Variants in HHEX observed in about 807,000 individuals in gnomAD.
HHEX encodes the protein hematopoietically-expressed homeobox protein HHEX.
Under a neutral mutation model 27.0 loss-of-function variants are expected in HHEX, and 8 were observed. The ratio of observed to expected loss-of-function variants is 0.30; its 90% confidence interval spans 0.17 to 0.54. The LOEUF is 0.54. Among genes scored for constraint, HHEX ranks in the 20% least tolerant of loss-of-function variants. The pLI, the probability that HHEX is intolerant of heterozygous loss-of-function variation, is 0.95. For missense variants in HHEX, 326 were observed against 357.2 expected (o/e 0.91, Z 0.70); for synonymous variants, 164 against 161.5 (o/e 1.02, Z -0.12).
At chr10:92,690,554 G>C (rs1845343533) in intron 1 of HHEX, among the ~76,000 whole-genome samples, 1 of 151,982 alleles carries the variant, frequency 6.6e-6, no homozygotes, top group Admixed American at 6.5e-5. Flanking sequence ...CACCTTGCAG[G>C]CGTCGGGGCG....
Position 92,690,282 on chromosome 10 carries a change from CTCTGTACCCCT to C in HHEX, c.299_309del (p.Leu100ProfsTer33). On this transcript the variant is annotated frameshift_variant, in exon 1 of 4. Transcript: ENST00000282728. LOFTEE classifies it high-confidence loss of function. ...TACGGACCCGGCGGCTTCGGGGGCC[CTCTGTACCCCT>C]TCCCGCGGACGGTGAACGACTACAC... 6.5e-7 allele frequency: 1 copy of C among 1,550,344 alleles called. No individual in the cohort carries two copies. The highest frequency in any genetic ancestry group is 8.7e-7 in the Non-Finnish European group (1 of 1,147,414).
At chr10:92,694,142 A>G (rs185484899) in intron 3 of HHEX, among the ~76,000 whole-genome samples, 2 of 152,354 alleles carry the variant, frequency 1.3e-5, no homozygotes, top group Non-Finnish European at 2.9e-5. Flanking sequence ...AATGTCTGAA[A>G]GACTGTTAAT....
chr10:92,694,584 GTT>G lies in HHEX; in HGVS notation c.631_632del (p.Leu211GlyfsTer5), dbSNP rs775878598. 1 of 1,614,094 alleles carries G rather than the reference GTT, an allele frequency of 6.2e-7. No homozygotes were observed. The highest frequency in any genetic ancestry group is 1.1e-5 in the South Asian group (1 of 91,078). Reference sequence around the variant, plus strand: ...AGCAATAAAAAAGAAGAACTGGAAAGTTTGGACAGTTCCTGTGATCAGAGGCA... The same window carrying G: ...AGCAATAAAAAAGAAGAACTGGAAAGTGGACAGTTCCTGTGATCAGAGGCA... On this transcript the variant is annotated frameshift_variant, in exon 4 of 4. Transcript: ENST00000282728. LOFTEE classifies it high-confidence loss of function.
rs1845387234 is a variant in HHEX at position 92,694,659 on chromosome 10, A to C, written c.704A>C (p.Gln235Pro). 4.3e-6 allele frequency: 7 copies of C among 1,614,010 alleles called. No homozygotes were observed. In the Admixed American group the frequency reaches 6.7e-5, roughly 15 times the overall value. Reference sequence around the variant, plus strand: ...AAAGGTGCTTCTTTGGATAGCTCTCAATGTTCGCCCTCCCCTGCCTCCCAG... The same window carrying C: ...AAAGGTGCTTCTTTGGATAGCTCTCCATGTTCGCCCTCCCCTGCCTCCCAG... The part of the protein sequence containing the change: ...QNKGASLDSS[Q>P]CSPSPASQED... The change falls in exon 4 of 4, where the codon CAA becomes CCA. Residue 235 changes from glutamine (Q) to proline (P), a missense_variant. Physicochemically the swap from Gln to Pro is moderately conservative, Grantham distance 76. Transcript: ENST00000282728.
chr10:92,692,382 T>A lies in HHEX; in HGVS notation c.376T>A (p.Trp126Arg). ...CCCGCTCGCAGGCAAACCTCTACTC[T>A]GGAGCCCCTTCTTGCAGAGGCCTCT... ...RHDPLGKPLL[W>R]SPFLQRPLHK... Residue 126 changes from tryptophan to arginine, a missense_variant, in exon 2 of 4, where the codon TGG (tryptophan) becomes AGG (arginine). Trp to Arg is a moderately radical substitution (Grantham distance 101). Around this residue, in one of 4 missense-constraint regions of HHEX, gnomAD observed 215 missense variants for 196.4 expected, o/e 1.09. Coordinates refer to ENST00000282728, the MANE Select transcript of HHEX (RefSeq NM_002729.5). 1 of 1,613,710 alleles carries A rather than the reference T, an allele frequency of 6.2e-7. No individual in the cohort carries two copies. Among genetic ancestry groups the A allele is most frequent in the Non-Finnish European group, 8.5e-7 (1 of 1,180,014 alleles).
intron 1 of HHEX, among the ~76,000 whole-genome samples, chr10:92,691,019 G>A (rs1209498733): frequency 6.6e-6 from 1 of 152,280 alleles, no homozygotes; most frequent in East Asian, 1.9e-4. Flanking sequence ...AAAATAACCA[G>A]TTGCTTCCTA....
In HHEX at chr10:92,692,348, G is replaced by T; in HGVS notation, c.362-20G>T. 6.2e-7 allele frequency: 1 copy of T among 1,611,368 alleles called. No homozygotes were observed. Among genetic ancestry groups the T allele is most frequent in the South Asian group, 1.1e-5 (1 of 90,922 alleles). ...GGCCGCTCCAGGGCAGTGGGTGAGC[G>T]CCGCTCTTCCCGCTCGCAGGCAAAC... On this transcript the variant is annotated intron_variant, in intron 1 of 3. Transcript: ENST00000282728.
At chr10:92,692,225 G>A in intron 1 of HHEX, 143 bp from the exon 2 acceptor site, 1 of 749,464 alleles carries the variant, frequency 1.3e-6, no homozygotes, top group Non-Finnish European at 2.2e-6. Context: ...AACGTGTTAG[G>A]TCCACGTGCC....
chr10:92,694,649 G>A lies in HHEX; in HGVS notation c.694G>A (p.Asp232Asn), dbSNP rs772927960. Reference protein sequence around the residue: ...PSEQNKGASLDSSQCSPSPAS... With the variant: ...PSEQNKGASLNSSQCSPSPAS... ...TGAACAGAATAAAGGTGCTTCTTTGGATAGCTCTCAATGTTCGCCCTCCCC... is the reference window on the plus strand; with the variant it reads ...TGAACAGAATAAAGGTGCTTCTTTGAATAGCTCTCAATGTTCGCCCTCCCC... Residue 232 changes from aspartate (D) to asparagine (N), a missense_variant, in exon 4 of 4, where the codon GAT becomes AAT. By Grantham distance (23) the Asp-to-Asn change is conservative. This residue lies in a region of HHEX where 68 missense variants were observed against 84.9 expected (regional missense o/e 0.80). Coordinates refer to ENST00000282728, the MANE Select transcript of HHEX (RefSeq NM_002729.5). 1 of 1,614,060 alleles carries A rather than the reference G, an allele frequency of 6.2e-7. No homozygotes were observed. The highest frequency in any genetic ancestry group is 1.1e-5 in the South Asian group (1 of 91,084).
At chr10:92,691,857 T>C (rs1589622485) in intron 1 of HHEX, 1 of 152,664 alleles carries the variant, frequency 6.6e-6, no homozygotes, top group African/African-American at 2.4e-5. Context: ...CGGCCAGGAT[T>C]GGAGGCTCCT....
At position 92,695,407 on chromosome 10, in the gene HHEX, A is replaced by C. The variant is rs2135942589; in HGVS notation, c.*639A>C. On this transcript the variant is annotated 3_prime_UTR_variant, in exon 4 of 4. Coordinates refer to ENST00000282728, the MANE Select transcript of HHEX (RefSeq NM_002729.5). Reference sequence around the variant, plus strand: ...TTAGTACCTGTTTGACCAAGGTGTTAAGGGGATAGTACCTCCCAATTCAAG... The same window carrying C: ...TTAGTACCTGTTTGACCAAGGTGTTCAGGGGATAGTACCTCCCAATTCAAG... 1 of 152,978 alleles carries C rather than the reference A, an allele frequency of 6.5e-6. No homozygotes were observed. The highest frequency in any genetic ancestry group is 1.9e-4 in the East Asian group (1 of 5,194). 9.5% of individuals were successfully genotyped at this position (152,978 alleles called of 1,614,324 possible). A position where few individuals can be genotyped will look rare whatever the true frequency, so the allele number is the denominator to read the frequency against.
At chr10:92,692,596 G>C (rs752995067) in intron 2 of HHEX, 50 bp downstream of exon 2, 1 of 1,606,422 alleles carries the variant, frequency 6.2e-7, no homozygotes, top group East Asian at 2.2e-5. Context: ...GAAGGCTTCT[G>C]GGGTAGGGGT....
rs1386188015 is a variant in HHEX, at chr10:92,694,705, T to G, written c.750T>G (p.Ile250Met). ...CCCAGGAAGACCTTGAATCAGAGATTTCAGAGGATTCTGATCAGGAAGTGG... is the reference window on the plus strand; with the variant it reads ...CCCAGGAAGACCTTGAATCAGAGATGTCAGAGGATTCTGATCAGGAAGTGG... ...PASQEDLESEISEDSDQEVDI... is the reference protein window; with the variant it reads ...PASQEDLESEMSEDSDQEVDI... The change falls in exon 4 of 4, where the codon ATT becomes ATG. Residue 250 changes from isoleucine to methionine, a missense_variant. Around this residue, in one of 4 missense-constraint regions of HHEX, gnomAD observed 68 missense variants for 84.9 expected, o/e 0.80. Transcript: ENST00000282728. The G allele has an allele frequency of 6.2e-7, 1 of 1,614,160 alleles. No individual in the cohort carries two copies. The highest frequency in any genetic ancestry group is 8.5e-7 in the Non-Finnish European group (1 of 1,180,004).
intron 3 of HHEX, among the ~76,000 whole-genome samples, chr10:92,693,173 C>T (rs1392310819): frequency 6.6e-6 from 1 of 152,138 alleles, no homozygotes; most frequent in Non-Finnish European, 1.5e-5. Context: ...AAACAAACAC[C>T]TTTAAGTCTT....
chr10:92,692,837 G>A lies in HHEX; in HGVS notation c.591+85G>A. On this transcript the variant is annotated intron_variant, in intron 3 of 3. Coordinates refer to ENST00000282728, the MANE Select transcript of HHEX (RefSeq NM_002729.5). ...AGGCTGTTATGGGTTGTATGCAAAAGTCATTTAAGAGACTATTTAACCTCT... is the reference window on the plus strand; with the variant it reads ...AGGCTGTTATGGGTTGTATGCAAAAATCATTTAAGAGACTATTTAACCTCT... The A allele has an allele frequency of 6.2e-6, 7 of 1,132,802 alleles. No homozygotes were observed. The South Asian group carries it at 6.2e-5, about 10-fold the overall frequency. The allele number at this position is 1,132,802 out of a possible 1,614,324, so 70.2% of individuals were successfully genotyped here. A position where few individuals can be genotyped will look rare whatever the true frequency, so the allele number is the denominator to read the frequency against.
rs749189919 is a variant in HHEX at position 92,692,456 on chromosome 10, C to A, written c.450C>A (p.Ile150=). ...GQVRFSNDQT[I]ELEKKFETQK... is the part of the protein sequence containing the mutation. ...TGAGATTCTCCAACGACCAGACCATCGAGCTGGAGAAGAAATTCGAGACGC... is the reference window on the plus strand; with the variant it reads ...TGAGATTCTCCAACGACCAGACCATAGAGCTGGAGAAGAAATTCGAGACGC... The change falls in exon 2 of 4, where the codon ATC becomes ATA. Residue 150 remains isoleucine, a synonymous_variant. Transcript: ENST00000282728. The A allele has an allele frequency of 1.2e-6, 2 of 1,614,086 alleles. No individual in the cohort carries two copies. The highest frequency in any genetic ancestry group is 1.7e-4 in the Middle Eastern group (1 of 6,058).
chr10:92,692,963 A>G (rs1388988010), intron 3 of HHEX, among the ~76,000 whole-genome samples: 2 of 152,250 alleles, frequency 1.3e-5, no homozygotes, highest in African/African-American at 4.8e-5. Flanking sequence ...TATATCAATT[A>G]TGCTTGGGTT....
intron 1 of HHEX, chr10:92,692,157 G>A: frequency 1.8e-6 from 1 of 554,418 alleles, no homozygotes; most frequent in Non-Finnish European, 3.2e-6. Flanking sequence ...GTGTGTACAA[G>A]GCTGTGTGCA....
intron 3 of HHEX, 79 bp from the exon 4 acceptor site, chr10:92,694,466 GAA>G: frequency 9.8e-7 from 1 of 1,019,434 alleles, no homozygotes. Context: ...GGAATAGGAT[GAA>G]GAGACATTTT....
Sources: gnomAD v4.1 joint callset for allele counts (sites outside exome capture counted in the v4.1 genomes callset) on GRCh38, gnomAD v4.1.1 for gene constraint, gnomAD v4.1.1 regional missense constraint, MANE v1.5 for transcripts, NCBI Gene and HGNC (gene_info 2026-07-23, HGNC 2026-07-21) for gene names.